The following KIF3B variants were observed in gnomAD, a reference collection of about 807,000 sequenced individuals.
The protein encoded by KIF3B is kinesin family member 3B.
Under a neutral mutation model 74.3 loss-of-function variants are expected in KIF3B, and 38 were observed. The observed-to-expected ratio is 0.51, with a 90% CI of 0.39 to 0.67. The LOEUF is 0.67. KIF3B is among the 30% of genes least tolerant of loss of function. The pLI is 0.00. For missense variants in KIF3B, 649 were observed against 932.0 expected (o/e 0.70, Z 3.95); for synonymous variants, 326 against 342.5 (o/e 0.95, Z 0.53).
intron 1 of KIF3B, among the ~76,000 whole-genome samples, chr20:32,295,295 CTT>C (rs937210566): frequency 6.7e-6 from 1 of 148,228 alleles, no homozygotes; most frequent in African/African-American, 2.5e-5. Context: ...CCCCCGCCCC[CTT>C]TTTTTTTTCT....
chr20:32,316,389 C>T, intron 3 of KIF3B, 70 bp downstream of exon 3: 3 of 1,529,112 alleles, frequency 2.0e-6, no homozygotes, highest in Non-Finnish European at 2.7e-6. Flanking sequence ...GCAAACGTCT[C>T]ATATTAGACT....
At chr20:32,312,764 A>G (rs915969008) in intron 2 of KIF3B, among the ~76,000 whole-genome samples, 9 of 152,156 alleles carry the variant, frequency 5.9e-5, no homozygotes, top group Non-Finnish European at 4.4e-5. Context: ...CTTCAGGAGA[A>G]CATGGACGTG....
At chr20:32,307,918 CAAAAA>C (rs574709198) in intron 1 of KIF3B, among the ~76,000 whole-genome samples, 2 of 52,774 alleles carry the variant, frequency 3.8e-5, no homozygotes, top group African/African-American at 7.4e-5. Flanking sequence ...GACTCTGTCT[CAAAAA>C]AAAAAAAAAA....
intron 1 of KIF3B, among the ~76,000 whole-genome samples, chr20:32,308,954 A>T (rs2047786294): frequency 6.6e-6 from 1 of 151,430 alleles, no homozygotes; most frequent in African/African-American, 2.4e-5. Flanking sequence ...TGACCTCGTG[A>T]TCCACCCGCC....
At chr20:32,304,265 G>C (rs768944276) in intron 1 of KIF3B, among the ~76,000 whole-genome samples, 1 of 152,174 alleles carries the variant, frequency 6.6e-6, no homozygotes, top group Non-Finnish European at 1.5e-5. Context: ...TGTTGATGCT[G>C]TCTATTTATT....
At chr20:32,327,505 C>A in intron 6 of KIF3B, 51 bp from the exon 7 acceptor site, 1 of 1,488,730 alleles carries the variant, frequency 6.7e-7, no homozygotes, top group Non-Finnish European at 9.4e-7. Context: ...CTTCCGAGTG[C>A]TGGTTCCACA....
Position 32,277,741 on chromosome 20 carries a change from C to T in KIF3B, c.-90C>T. The stretch of plus-strand genomic sequence containing the variant: ...CCGCCGCCGCCGCCGCCGCCGCCGC[C>T]GCCCGCTTTCGGCTCGGGCCTCAGG... On this transcript the variant is annotated 5_prime_UTR_variant, in exon 1 of 9. Coordinates refer to ENST00000375712, the MANE Select transcript of KIF3B (RefSeq NM_004798.4). 3.8e-6 allele frequency: 1 copy of T among 264,046 alleles called. No homozygotes were observed. Among genetic ancestry groups the T allele is most frequent in the Non-Finnish European group, 6.9e-6 (1 of 145,474 alleles). 16.4% of individuals were successfully genotyped at this position (264,046 alleles called of 1,614,324 possible).
At chr20:32,291,022 G>A (rs536349431) in intron 1 of KIF3B, among the ~76,000 whole-genome samples, 2 of 152,284 alleles carry the variant, frequency 1.3e-5, no homozygotes, top group South Asian at 4.1e-4. Context: ...GTCACAAAAG[G>A]ACAAATACTG....
At chr20:32,323,892 A>T (rs951516593) in intron 5 of KIF3B, among the ~76,000 whole-genome samples, 3 of 151,982 alleles carry the variant, frequency 2.0e-5, no homozygotes, top group Non-Finnish European at 4.4e-5. Flanking sequence ...AAGTATATAT[A>T]TACATATTTT....
intron 1 of KIF3B, among the ~76,000 whole-genome samples, chr20:32,301,096 T>G (rs1204432291): frequency 6.9e-6 from 1 of 145,256 alleles, no homozygotes; most frequent in African/African-American, 2.5e-5. Context: ...TTTTTTTTTT[T>G]TTTTTTTTTT....
intron 1 of KIF3B, among the ~76,000 whole-genome samples, chr20:32,297,780 C>T (rs79304951): frequency 0.02 from 3,027 of 151,964 alleles, 49 homozygotes; most frequent in Middle Eastern, 0.038. Flanking sequence ...CAGATATTCC[C>T]ATGTTTCCAG....
At chr20:32,330,069 G>A in intron 7 of KIF3B, 72 bp from the exon 8 acceptor site, 2 of 1,350,456 alleles carry the variant, frequency 1.5e-6, no homozygotes, top group Non-Finnish European at 2.0e-6. Context: ...TTCTTGGAGG[G>A]GCCCTCGATT....
chr20:32,328,004 G>C (rs1183519482), intron 7 of KIF3B, among the ~76,000 whole-genome samples: 1 of 152,058 alleles, frequency 6.6e-6, no homozygotes, highest in Non-Finnish European at 1.5e-5. Flanking sequence ...GGGAGGCTGA[G>C]GTGGGAGGAT....
chr20:32,284,236 G>T (rs1356454671), intron 1 of KIF3B, among the ~76,000 whole-genome samples: 1 of 152,106 alleles, frequency 6.6e-6, no homozygotes, highest in East Asian at 1.9e-4. Flanking sequence ...ACAGCACCTG[G>T]CCACCACTGC....
chr20:32,320,590 C>T (rs989723653), intron 5 of KIF3B, among the ~76,000 whole-genome samples: 16 of 151,052 alleles, frequency 1.1e-4, no homozygotes, highest in African/African-American at 3.4e-4. Context: ...GCCATCATAG[C>T]TCACAGCCTT....
In KIF3B at chr20:32,300,602, G is replaced by A. The variant is rs1453444954; in HGVS notation, c.-65-9111G>A. Among the ~76,000 whole-genome samples, 3 of 151,884 alleles carry A rather than the reference G, an allele frequency of 2.0e-5. No homozygotes were observed. In the East Asian group the frequency reaches 5.8e-4, roughly 29 times the overall value. On this transcript the variant is annotated intron_variant, in intron 1 of 8. Transcript: ENST00000375712. Reference sequence around the variant, plus strand: ...TGATTTTTAAAAATTTTTTTGTAGAGATGGTCTCACTATGTTCCCCAGGCT... The same window carrying A: ...TGATTTTTAAAAATTTTTTTGTAGAAATGGTCTCACTATGTTCCCCAGGCT...
In KIF3B at chr20:32,333,834, A is replaced by G. The variant is rs377469195; in HGVS notation, c.*2515A>G. ...TGTTCATGTGGTGGTCTGTGGAAAG[A>G]AAAGAAGACTCATTTGGAAATGAAG... On this transcript the variant is annotated 3_prime_UTR_variant, in exon 9 of 9. Coordinates refer to ENST00000375712, the MANE Select transcript of KIF3B (RefSeq NM_004798.4). 9.8e-5 allele frequency: 15 copies of G among 152,538 alleles called. No individual in the cohort carries two copies. The highest frequency in any genetic ancestry group is 9.8e-4 in the Admixed American group (15 of 15,268). 9.4% of individuals were successfully genotyped at this position (152,538 alleles called of 1,614,324 possible).
intron 5 of KIF3B, among the ~76,000 whole-genome samples, chr20:32,320,210 T>G (rs559514932): frequency 1.5e-3 from 221 of 152,312 alleles, no homozygotes; most frequent in Middle Eastern, 3.4e-3. Flanking sequence ...TTAAGAGTTC[T>G]TTATATTAAT....
Position 32,277,706 on chromosome 20 carries a change from C to CCCGCCGCCG in KIF3B, c.-95_-87dup, listed in dbSNP as rs756318630. 91 of 261,206 alleles carry CCCGCCGCCG rather than the reference C, an allele frequency of 3.5e-4. No homozygotes were observed. The highest frequency in any genetic ancestry group is 1.1e-3 in the East Asian group (13 of 11,540). The allele number at this position is 261,206 out of a possible 1,614,324, so 16.2% of individuals were successfully genotyped here. Reference sequence around the variant, plus strand: ...ATGGCTGAGCCAGGGGTTCGCCGCCCCCGCCGCCGCCGCCGCCGCCGCCGC... The same window carrying CCCGCCGCCG: ...ATGGCTGAGCCAGGGGTTCGCCGCCCCCGCCGCCGCCGCCGCCGCCGCCGCCGCCGCCGC... On this transcript the variant is annotated 5_prime_UTR_variant, in exon 1 of 9. Coordinates refer to ENST00000375712, the MANE Select transcript of KIF3B (RefSeq NM_004798.4).
Sources: gnomAD v4.1 joint callset for allele counts (sites outside exome capture counted in the v4.1 genomes callset) on GRCh38, gnomAD v4.1.1 for gene constraint, MANE v1.5 for transcripts, NCBI Gene and HGNC (gene_info 2026-07-23, HGNC 2026-07-21) for gene names.